Variants in DLC1 observed in about 807,000 individuals in gnomAD.
DLC1 encodes the protein rho GTPase-activating protein 7.
In DLC1, 54 loss-of-function variants were observed where a neutral mutation model predicts 140.3. The ratio of observed to expected loss-of-function variants is 0.38; its 90% CI spans 0.31 to 0.48. DLC1 has a LOEUF of 0.48. Among genes scored for constraint, DLC1 ranks in the 20% least tolerant of loss-of-function variants. DLC1 has a pLI of 0.96. For missense variants in DLC1, 2,536 were observed against 1,907.0 expected, an observed-to-expected ratio of 1.33 and a Z score of -6.14; for synonymous variants, 986 against 728.1, an observed-to-expected ratio of 1.35 and a Z score of -5.70.
intron 5 of DLC1, among the ~76,000 whole-genome samples, chr8:13,184,247 T>G (rs991011518): frequency 1.3e-5 from 2 of 152,208 alleles, no homozygotes; most frequent in African/African-American, 4.8e-5. Context: ...TCAATTTTGT[T>G]GATCTTTTCA....
chr8:13,505,747 G>C (rs1462312151), intron 1 of DLC1, among the ~76,000 whole-genome samples: 1 of 152,106 alleles, frequency 6.6e-6, no homozygotes. Context: ...TCTTAGGTCA[G>C]TTCTTTCAGT....
intron 2 of DLC1, among the ~76,000 whole-genome samples, chr8:13,418,315 C>A (rs1652281817): frequency 6.6e-6 from 1 of 152,054 alleles, no homozygotes; most frequent in Non-Finnish European, 1.5e-5. Context: ...ATGGTAATGC[C>A]TAGGTTTTCT....
At chr8:13,133,373 T>TC in intron 5 of DLC1, 1 of 931,588 alleles carries the variant, frequency 1.1e-6, no homozygotes, top group Non-Finnish European at 1.3e-6. Context: ...CACCGCCTCC[T>TC]CCCCGCTGTC....
intron 5 of DLC1, among the ~76,000 whole-genome samples, chr8:13,219,946 C>T (rs1828460267): frequency 6.6e-6 from 1 of 152,016 alleles, no homozygotes; most frequent in Non-Finnish European, 1.5e-5. Flanking sequence ...GTCTTAATTC[C>T]ACTACATGAA....
Position 13,499,549 on chromosome 8 carries a change from C to T in DLC1, c.523G>A (p.Val175Ile), listed in dbSNP as rs1430286963. 1 of 1,614,120 alleles carries T rather than the reference C, an allele frequency of 6.2e-7. No individual in the cohort carries two copies. Among genetic ancestry groups the T allele is most frequent in the East Asian group, 2.2e-5 (1 of 44,874 alleles). Reference sequence around the variant, plus strand: ...ACTTTTCTCTCCCCACTTTCTTTTACCAGTGCTAATTCAGTTTCACCAGCT... The same window carrying T: ...ACTTTTCTCTCCCCACTTTCTTTTATCAGTGCTAATTCAGTTTCACCAGCT... ...GIAGETELAL[V>I]KESGERKVTD... is the part of the protein sequence containing the mutation. The change falls in exon 2 of 18, where the codon GTA (valine) becomes ATA (isoleucine). Residue 175 changes from valine (V) to isoleucine (I), a missense_variant. Val to Ile is a conservative substitution (Grantham distance 29). Transcript: ENST00000276297.
chr8:13,437,849 A>G (rs1046872348), intron 2 of DLC1, among the ~76,000 whole-genome samples: 1 of 152,126 alleles, frequency 6.6e-6, no homozygotes, highest in Non-Finnish European at 1.5e-5. Flanking sequence ...AGATCTCTAA[A>G]GGCCATTTGA....
rs144807817 is a variant in DLC1, at chr8:13,457,177, G to C, written c.1023+41872C>G. On this transcript the variant is annotated intron_variant, in intron 2 of 17. Transcript: ENST00000276297. ...TTCCCTAAATCTAGCCCTATACCGT[G>C]CTCACAATGAGTGTTTGACAAATGT... is the stretch of plus-strand genomic sequence containing the variant. Among the ~76,000 whole-genome samples, 536 of 152,216 alleles carry C rather than the reference G, an allele frequency of 3.5e-3. 3 individuals are homozygous for C. Among genetic ancestry groups the C allele is most frequent in the African/African-American group, 0.012 (494 of 41,528 alleles).
At chr8:13,576,295 C>G (rs1230192209) in intron 1 of DLC1, among the ~76,000 whole-genome samples, 1 of 152,138 alleles carries the variant, frequency 6.6e-6, no homozygotes, top group Non-Finnish European at 1.5e-5. Flanking sequence ...AAAGCCTCTA[C>G]AGTGAAGGAT....
chr8:13,516,670 A>T (rs1802598638), upstream of DLC1, among the ~76,000 whole-genome samples: 1 of 152,226 alleles, frequency 6.6e-6, no homozygotes, highest in Non-Finnish European at 1.5e-5. Flanking sequence ...AAACATGAGC[A>T]TTTAGGTTTC....
At chr8:13,586,797 T>A (rs1180394167) in intron 1 of DLC1, among the ~76,000 whole-genome samples, 2 of 152,012 alleles carry the variant, frequency 1.3e-5, no homozygotes, top group Non-Finnish European at 2.9e-5. Context: ...CAAGGATATA[T>A]GAAGTTTGAA....
chr8:13,271,578 A>G (rs1830932179), intron 5 of DLC1, among the ~76,000 whole-genome samples: 1 of 152,224 alleles, frequency 6.6e-6, no homozygotes, highest in Admixed American at 6.5e-5. Flanking sequence ...TGAAGAATTT[A>G]TTTTATGTCT....
chr8:13,295,680 C>A (rs1763707082), intron 5 of DLC1, among the ~76,000 whole-genome samples: 1 of 152,098 alleles, frequency 6.6e-6, no homozygotes, highest in Admixed American at 6.5e-5. Flanking sequence ...AATGGAGGGT[C>A]AATACGAGAA....
intron 5 of DLC1, among the ~76,000 whole-genome samples, chr8:13,149,072 G>A (rs1170686714): frequency 6.6e-6 from 1 of 152,304 alleles, no homozygotes; most frequent in Non-Finnish European, 1.5e-5. Context: ...GATTACAGGT[G>A]TGAGCCACTG....
chr8:13,366,967 C>A (rs569846744), intron 4 of DLC1, among the ~76,000 whole-genome samples: 1 of 152,228 alleles, frequency 6.6e-6, no homozygotes, highest in African/African-American at 2.4e-5. Context: ...ATGGGGCACA[C>A]TTTTCAACCC....
intron 5 of DLC1, among the ~76,000 whole-genome samples, chr8:13,168,430 A>G (rs1026018929): frequency 5.3e-5 from 8 of 152,152 alleles, no homozygotes; most frequent in Non-Finnish European, 8.8e-5. Flanking sequence ...CAGTATTTTA[A>G]ATCTCTTTTA....
chr8:13,431,047 G>C (rs866600317), intron 2 of DLC1, among the ~76,000 whole-genome samples: 3 of 152,172 alleles, frequency 2.0e-5, no homozygotes, highest in Admixed American at 1.3e-4. Flanking sequence ...TCAACTGAGG[G>C]TTTATTAAGC....
intron 2 of DLC1, among the ~76,000 whole-genome samples, chr8:13,447,596 T>C (rs890450117): frequency 3.9e-5 from 6 of 152,190 alleles, no homozygotes; most frequent in African/African-American, 1.4e-4. Context: ...CATTAGATAT[T>C]AGGTCTTTAG....
chr8:13,482,697 A>G (rs960797118), intron 2 of DLC1, among the ~76,000 whole-genome samples: 3 of 152,208 alleles, frequency 2.0e-5, no homozygotes, highest in African/African-American at 7.2e-5. Flanking sequence ...TGATTACGCG[A>G]TTTAATTGGA....
chr8:13,232,830 A>C (rs17792006), intron 5 of DLC1, among the ~76,000 whole-genome samples: 2,073 of 152,342 alleles, frequency 0.014, 17 homozygotes, highest in Middle Eastern at 0.02. Context: ...AGTTCTTAGA[A>C]ATAGTTATTT....
Sources: allele counts gnomAD v4.1 joint callset (sites outside exome capture counted in the v4.1 genomes callset), GRCh38; gene constraint gnomAD v4.1.1; transcripts MANE v1.5; gene names NCBI Gene and HGNC (gene_info 2026-07-23, HGNC 2026-07-21).